FRMD4A: variants seen among roughly 807,000 people sequenced by gnomAD.
The protein encoded by FRMD4A is FERM domain-containing protein 4A.
Under a neutral mutation model 129.1 loss-of-function variants are expected in FRMD4A, and 29 were observed. That is an observed-to-expected ratio of 0.22 (90% CI 0.17 to 0.31). The LOEUF is 0.31. FRMD4A is among the 10% of genes least tolerant of loss of function. The pLI is 1.00. For missense variants in FRMD4A, 1,272 were observed against 1,375.8 expected (o/e 0.92, Z 1.19); for synonymous variants, 634 against 571.6 (o/e 1.11, Z -1.56).
intron 2 of FRMD4A, among the ~76,000 whole-genome samples, chr10:13,931,775 T>TAAAAAAAAAA (rs59824238): frequency 1.5e-5 from 2 of 129,280 alleles, no homozygotes; most frequent in Non-Finnish European, 3.2e-5. Flanking sequence ...TCATCTTTAC[T>TAAAAAAAAAA]AAAAAAAAAA....
chr10:14,244,307 CT>C (rs1447623566), intron 2 of FRMD4A, among the ~76,000 whole-genome samples: 2 of 152,204 alleles, frequency 1.3e-5, no homozygotes, highest in East Asian at 3.8e-4. Flanking sequence ...GCCAGAATGC[CT>C]TCCCTCTGGC....
chr10:13,680,172 A>G (rs1173862929), intron 15 of FRMD4A, among the ~76,000 whole-genome samples: 1 of 152,172 alleles, frequency 6.6e-6, no homozygotes, highest in African/African-American at 2.4e-5. Context: ...GTCAAAAACT[A>G]AAAGCTGGTC....
intron 2 of FRMD4A, among the ~76,000 whole-genome samples, chr10:14,253,944 C>T (rs1334394746): frequency 6.6e-6 from 1 of 152,076 alleles, no homozygotes; most frequent in Non-Finnish European, 1.5e-5. Context: ...CAGGAGAGAC[C>T]TTTCGACACC....
chr10:14,222,166 A>G (rs780122777), intron 2 of FRMD4A, among the ~76,000 whole-genome samples: 8 of 152,226 alleles, frequency 5.3e-5, no homozygotes, highest in Non-Finnish European at 1.0e-4. Context: ...TCTGGCATGG[A>G]AAAATACAGG....
chr10:14,276,604 A>G (rs1021135344), intron 2 of FRMD4A, among the ~76,000 whole-genome samples: 2 of 152,180 alleles, frequency 1.3e-5, no homozygotes, highest in Non-Finnish European at 2.9e-5. Flanking sequence ...TGCCCAGGGA[A>G]GCCCAAAGTT....
At chr10:14,110,796 T>A (rs1837859203) in intron 2 of FRMD4A, among the ~76,000 whole-genome samples, 1 of 152,168 alleles carries the variant, frequency 6.6e-6, no homozygotes, top group Non-Finnish European at 1.5e-5. Context: ...TTTTTAATGG[T>A]TATTTAAATT....
At position 13,930,229 on chromosome 10, in the gene FRMD4A, A is replaced by G. The variant is rs192785817; in HGVS notation, c.46-71317T>C. ...CTCAGCCGGGTCTGCACAGGACTGAATGAGGCTCTACCTCCTTCACTCACT... is the reference window on the plus strand; with the variant it reads ...CTCAGCCGGGTCTGCACAGGACTGAGTGAGGCTCTACCTCCTTCACTCACT... On this transcript the variant is annotated intron_variant, in intron 2 of 24. Coordinates refer to ENST00000357447, the MANE Select transcript of FRMD4A (RefSeq NM_018027.5). 7.2e-5 allele frequency among the ~76,000 whole-genome samples: 11 copies of G among 152,306 alleles called. No homozygotes were observed. In the East Asian group the frequency reaches 2.1e-3, roughly 29 times the overall value.
At chr10:13,811,375 C>G (rs2093442684) in intron 3 of FRMD4A, among the ~76,000 whole-genome samples, 1 of 151,494 alleles carries the variant, frequency 6.6e-6, no homozygotes, top group African/African-American at 2.4e-5. Flanking sequence ...TCAAGTGATC[C>G]ACCTGCCTCA....
chr10:14,131,141 T>A (rs1424950070), intron 2 of FRMD4A, among the ~76,000 whole-genome samples: 1 of 152,198 alleles, frequency 6.6e-6, no homozygotes, highest in East Asian at 1.9e-4. Flanking sequence ...TAGTAGAGAA[T>A]GTAACCACAC....
At chr10:13,761,559 C>G in intron 8 of FRMD4A, 88 bp downstream of exon 8, 7 of 865,644 alleles carry the variant, frequency 8.1e-6, no homozygotes, top group Non-Finnish European at 1.3e-5. Context: ...AAATTGTCCA[C>G]CTAAAAAGGA....
At chr10:14,219,987 C>T (rs1192513625) in intron 2 of FRMD4A, among the ~76,000 whole-genome samples, 2 of 152,100 alleles carry the variant, frequency 1.3e-5, no homozygotes, top group South Asian at 2.1e-4. Flanking sequence ...CTATCTATTG[C>T]GAATGGTGTC....
At position 14,158,792 on chromosome 10, in the gene FRMD4A, G is replaced by A. The variant is rs74781984; in HGVS notation, c.45+171266C>T. On this transcript the variant is annotated intron_variant, in intron 2 of 24. Transcript: ENST00000357447. ...GGAAGAAGAGGAAGAGGAGCAGGAG[G>A]AAGAAGAGAAGAAGGAAGAGAAGGA... 7.0e-3 allele frequency among the ~76,000 whole-genome samples: 1,032 copies of A among 148,364 alleles called. 20 individuals are homozygous for A. The East Asian group carries it at 0.084, about 12-fold the overall frequency.
At chr10:13,726,100 C>T (rs1306060198) in intron 12 of FRMD4A, among the ~76,000 whole-genome samples, 2 of 152,170 alleles carry the variant, frequency 1.3e-5, no homozygotes, top group Non-Finnish European at 2.9e-5. Context: ...CATGGCAAAA[C>T]CCTGTCTCTG....
intron 14 of FRMD4A, among the ~76,000 whole-genome samples, chr10:13,700,456 C>T (rs999996593): frequency 1.3e-5 from 2 of 152,212 alleles, no homozygotes; most frequent in Non-Finnish European, 2.9e-5. Flanking sequence ...GAGGGAAATC[C>T]TCCGTAAGTG....
chr10:14,189,708 G>T (rs1272214117), intron 2 of FRMD4A, among the ~76,000 whole-genome samples: 1 of 152,176 alleles, frequency 6.6e-6, no homozygotes, highest in East Asian at 1.9e-4. Flanking sequence ...AATTGATTCA[G>T]TCAGGGTAAC....
chr10:13,892,317 T>C, intron 2 of FRMD4A, among the ~76,000 whole-genome samples: 1 of 152,092 alleles, frequency 6.6e-6, no homozygotes, highest in East Asian at 1.9e-4. Context: ...TCCAATTGTA[T>C]TGAATTTTAA....
At chr10:13,658,510 C>T (rs1187978245) in intron 21 of FRMD4A, among the ~76,000 whole-genome samples, 1 of 152,240 alleles carries the variant, frequency 6.6e-6, no homozygotes, top group South Asian at 2.1e-4. Flanking sequence ...GCGAGTCCCA[C>T]TTCCGACTGC....
Position 13,645,999 on chromosome 10 carries a change from T to A in FRMD4A, c.*1039A>T, listed in dbSNP as rs1431692738. On this transcript the variant is annotated 3_prime_UTR_variant, in exon 25 of 25. Coordinates refer to ENST00000357447, the MANE Select transcript of FRMD4A (RefSeq NM_018027.5). The stretch of plus-strand genomic sequence containing the variant: ...ATCCTGAAAGGAAAGCAGCTTTGAG[T>A]CTTGGGCTCGGCTGAACCCCCTGCA... 1 of 152,328 alleles carries A rather than the reference T, an allele frequency of 6.6e-6. No homozygotes were observed. The highest frequency in any genetic ancestry group is 1.5e-5 in the Non-Finnish European group (1 of 68,032). The allele number at this position is 152,328 out of a possible 1,614,324, so 9.4% of individuals were successfully genotyped here. A position where few individuals can be genotyped will look rare whatever the true frequency, so the allele number is the denominator to read the frequency against.
chr10:13,773,955 G>T (rs2092530802), intron 6 of FRMD4A, among the ~76,000 whole-genome samples: 1 of 152,226 alleles, frequency 6.6e-6, no homozygotes, highest in South Asian at 2.1e-4. Flanking sequence ...TCTCTTTCCA[G>T]GGAACACGCA....
Sources: gnomAD v4.1 joint callset for allele counts (sites outside exome capture counted in the v4.1 genomes callset) on GRCh38, gnomAD v4.1.1 for gene constraint, MANE v1.5 for transcripts, NCBI Gene and HGNC (gene_info 2026-07-23, HGNC 2026-07-21) for gene names.